PLEKHS1: variants seen among roughly 807,000 people sequenced by gnomAD.
PLEKHS1 encodes pleckstrin homology domain-containing family S member 1.
Under a neutral mutation model 51.0 loss-of-function variants are expected in PLEKHS1, and 55 were observed. The ratio of observed to expected loss-of-function variants is 1.08; its 90% CI spans 0.87 to 1.35. PLEKHS1 has a LOEUF of 1.35. Ranked by LOEUF, PLEKHS1 falls within the 40% of genes most tolerant of loss-of-function variation. PLEKHS1 has a pLI of 0.00. For synonymous variants in PLEKHS1, 153 were observed against 144.8 expected, an observed-to-expected ratio of 1.06 and a Z score of -0.41; for missense variants, 398 against 423.0, an observed-to-expected ratio of 0.94 and a Z score of 0.52.
At chr10:113,777,555 C>T (rs1844730534) in intron 11 of PLEKHS1, 1 of 1,551,256 alleles carries the variant, frequency 6.4e-7, no homozygotes, top group South Asian at 1.2e-5. Context: ...GATTCCAAAA[C>T]AGCTCCTTCA....
chr10:113,782,729 G>A (rs1844896905), downstream of PLEKHS1: 1 of 152,448 alleles, frequency 6.6e-6, no homozygotes, highest in South Asian at 2.1e-4. Flanking sequence ...GGAAGCAGAT[G>A]CTGCCACGCT....
At chr10:113,781,743 CTT>C (rs1844877050) in exon 12 of PLEKHS1, 1 of 133,854 alleles carries the variant, frequency 7.5e-6, no homozygotes. Flanking sequence ...CCAACACCTC[CTT>C]CCCCAACACC....
intron 2 of PLEKHS1, among the ~76,000 whole-genome samples, chr10:113,761,400 C>A (rs998033541): frequency 6.6e-6 from 1 of 152,028 alleles, no homozygotes; most frequent in Admixed American, 6.6e-5. Context: ...AGTATTAAGT[C>A]TTTCAATTCA....
chr10:113,766,347 C>A, intron 2 of PLEKHS1, 64 bp from the exon 3 acceptor site: 1 of 982,890 alleles, frequency 1.0e-6, no homozygotes, highest in Non-Finnish European at 1.6e-6. Flanking sequence ...CAGTGTTTTC[C>A]AATTGAGGCA....
chr10:113,763,454 G>A (rs1226650106), intron 2 of PLEKHS1, among the ~76,000 whole-genome samples: 2 of 152,038 alleles, frequency 1.3e-5, no homozygotes, highest in African/African-American at 4.8e-5. Flanking sequence ...TACTGATATA[G>A]TCAGGTTTAA....
At chr10:113,779,017 C>T (rs1461734047) in intron 11 of PLEKHS1, among the ~76,000 whole-genome samples, 3 of 152,198 alleles carry the variant, frequency 2.0e-5, no homozygotes, top group Non-Finnish European at 4.4e-5. Flanking sequence ...TGAGCTGAAG[C>T]TCACAGATTA....
intron 7 of PLEKHS1, 87 bp downstream of exon 7, chr10:113,769,987 C>T (rs1006498895): frequency 2.2e-6 from 2 of 929,256 alleles, no homozygotes; most frequent in African/African-American, 3.2e-5. Flanking sequence ...TTGAATTTAA[C>T]CATGCCCACC....
chr10:113,758,848 C>G (rs1375162375), intron 2 of PLEKHS1, among the ~76,000 whole-genome samples: 2 of 152,046 alleles, frequency 1.3e-5, no homozygotes, highest in South Asian at 2.1e-4. Flanking sequence ...AAAGATCACT[C>G]ATTGCTGGTC....
At chr10:113,756,913 CTTTTTTTTTTTT>C (rs397845343) in intron 2 of PLEKHS1, among the ~76,000 whole-genome samples, 1 of 109,894 alleles carries the variant, frequency 9.1e-6, no homozygotes. Flanking sequence ...TTAGATTGGT[CTTTTTTTTTTTT>C]TTTTTTTTTG....
chr10:113,777,232 G>A (rs768170071), intron 11 of PLEKHS1: 6 of 1,612,834 alleles, frequency 3.7e-6, no homozygotes, highest in Non-Finnish European at 5.1e-6. Flanking sequence ...AGGTCTCCCT[G>A]TTTCTTACCC....
At chr10:113,778,310 A>C (rs991944155) in intron 11 of PLEKHS1, among the ~76,000 whole-genome samples, 1 of 152,132 alleles carries the variant, frequency 6.6e-6, no homozygotes, top group Non-Finnish European at 1.5e-5. Context: ...TTTATCTTTT[A>C]TCTTTTATGA....
At chr10:113,753,353 T>C (rs1592999586) in intron 1 of PLEKHS1, among the ~76,000 whole-genome samples, 3 of 152,310 alleles carry the variant, frequency 2.0e-5, no homozygotes, top group East Asian at 1.9e-4. Flanking sequence ...ATCTCAGGGA[T>C]AATTTTTTAA....
At chr10:113,781,945 A>T (rs1844881765) in exon 12 of PLEKHS1, 2 of 152,328 alleles carry the variant, frequency 1.3e-5, no homozygotes, top group African/African-American at 4.8e-5. Flanking sequence ...AAGTCGCAGC[A>T]GTTTTACATC....
intron 1 of PLEKHS1, among the ~76,000 whole-genome samples, chr10:113,754,632 C>T (rs376584431): frequency 1.2e-4 from 18 of 152,118 alleles, no homozygotes; most frequent in African/African-American, 4.1e-4. Context: ...ATTACAGGTG[C>T]CCACCACCAC....
At chr10:113,772,566 T>G (rs1364054179) in intron 8 of PLEKHS1, among the ~76,000 whole-genome samples, 3 of 152,204 alleles carry the variant, frequency 2.0e-5, no homozygotes, top group Non-Finnish European at 4.4e-5. Flanking sequence ...GTCACTGTAC[T>G]GTACTGGGCA....
At chr10:113,766,925 T>G (rs1434419835) in intron 4 of PLEKHS1, among the ~76,000 whole-genome samples, 1 of 152,222 alleles carries the variant, frequency 6.6e-6, no homozygotes, top group Non-Finnish European at 1.5e-5. Flanking sequence ...TATGTCATAC[T>G]TGATAAGTCT....
chr10:113,766,687 C>T lies in PLEKHS1; in HGVS notation c.193C>T (p.His65Tyr), dbSNP rs759372909. 4.3e-6 allele frequency: 7 copies of T among 1,611,584 alleles called. No individual in the cohort carries two copies. The South Asian group carries it at 5.5e-5, about 13-fold the overall frequency. Residue 65 changes from histidine to tyrosine, a missense_variant, in exon 4 of 12, where the codon CAT becomes TAT. Coordinates refer to ENST00000361048, the Ensembl canonical transcript of PLEKHS1. ...CTTTAGTCTTTCCTATTATAAAGAC[C>T]ATCATCACCGAGGTTCCATTGAAAT...
chr10:113,775,064 G>C (rs1564826917), intron 10 of PLEKHS1, 29 bp downstream of exon 10: 3 of 1,577,496 alleles, frequency 1.9e-6, no homozygotes, highest in Non-Finnish European at 2.6e-6. Context: ...AAACTTGATG[G>C]GCCCTAAGAG....
intron 1 of PLEKHS1, among the ~76,000 whole-genome samples, chr10:113,754,229 A>C (rs1853991984): frequency 6.6e-6 from 1 of 152,222 alleles, no homozygotes; most frequent in Non-Finnish European, 1.5e-5. Context: ...GGGAGAGGTC[A>C]GGAGGGTCAA....
Sources: gnomAD v4.1 joint callset for allele counts (sites outside exome capture counted in the v4.1 genomes callset) on GRCh38, gnomAD v4.1.1 for gene constraint, MANE v1.5 for transcripts, NCBI Gene and HGNC (gene_info 2026-07-23, HGNC 2026-07-21) for gene names.